Variants in ZDBF2 observed in about 807,000 individuals in gnomAD.
ZDBF2 encodes zinc finger DBF-type containing 2, also known as DBF4-type zinc finger-containing protein 2.
In ZDBF2, 6 loss-of-function variants were observed where a neutral mutation model predicts 9.4. That is an observed-to-expected ratio of 0.64 (90% CI 0.35 to 1.27). The LOEUF (loss-of-function observed/expected upper bound fraction) is 1.27. Ranked by LOEUF, ZDBF2 falls within the 50% of genes most tolerant of loss-of-function variation. ZDBF2 has a pLI of 0.03. For missense variants in ZDBF2, 2,697 were observed against 2,766.8 expected (o/e 0.97, Z 0.57); for synonymous variants, 905 against 946.3 (o/e 0.96, Z 0.80).
At position 206,308,030 on chromosome 2, in the gene ZDBF2, G is replaced by T; in HGVS notation, c.3502G>T (p.Gly1168Cys). 4.3e-6 allele frequency: 7 copies of T among 1,613,882 alleles called. No individual in the cohort carries two copies. Among genetic ancestry groups the T allele is most frequent in the Non-Finnish European group, 5.9e-6 (7 of 1,179,830 alleles). ...AATGAATTTGGATTCTGGTTTCTTG[G>T]GTCAGTCAATAGTCAATCGACCTCA... ...SEMNLDSGFL[G>C]QSIVNRPQIT... The change falls in exon 5 of 5, where the codon GGT becomes TGT. Residue 1168 changes from glycine (G) to cysteine (C), a missense_variant. Coordinates refer to ENST00000374423, the MANE Select transcript of ZDBF2 (RefSeq NM_020923.3).
chr2:206,280,747 T>C (rs1405093760), intron 2 of ZDBF2, among the ~76,000 whole-genome samples: 7 of 148,450 alleles, frequency 4.7e-5, no homozygotes, highest in South Asian at 2.2e-4. Flanking sequence ...GAAGCTTTTT[T>C]CCCCTCATCT....
At chr2:206,297,650 C>G (rs941894948) in intron 4 of ZDBF2, among the ~76,000 whole-genome samples, 2 of 151,870 alleles carry the variant, frequency 1.3e-5, no homozygotes, top group African/African-American at 4.8e-5. Flanking sequence ...TAGGATTAAG[C>G]AGGGGGAAAA....
chr2:206,311,330 G>A lies in ZDBF2; in HGVS notation c.6802G>A (p.Val2268Met), dbSNP rs759260959. The A allele has an allele frequency of 6.2e-7, 1 of 1,604,766 alleles. No individual in the cohort carries two copies. Among genetic ancestry groups the A allele is most frequent in the South Asian group, 1.1e-5 (1 of 89,516 alleles). Reference protein sequence around the residue: ...RLKKAKRTAKVLLNSSVPPAG... With the variant: ...RLKKAKRTAKMLLNSSVPPAG... ...AAAGAAGGCGAAGAGAACAGCTAAAGTGCTTTTGAACTCTTCAGTTCCACC... is the reference window on the plus strand; with the variant it reads ...AAAGAAGGCGAAGAGAACAGCTAAAATGCTTTTGAACTCTTCAGTTCCACC... The change falls in exon 5 of 5, where the codon GTG (valine) becomes ATG (methionine). Residue 2268 changes from valine (V) to methionine (M), a missense_variant. By Grantham distance (21) the Val-to-Met change is conservative. Coordinates refer to ENST00000374423, the MANE Select transcript of ZDBF2 (RefSeq NM_020923.3).
rs1213765064 is a variant in ZDBF2 at position 206,308,573 on chromosome 2, G to A, written c.4045G>A (p.Glu1349Lys). 35 of 1,613,342 alleles carry A rather than the reference G, an allele frequency of 2.2e-5. No individual in the cohort carries two copies. Among genetic ancestry groups the A allele is most frequent in the Non-Finnish European group, 2.8e-5 (33 of 1,179,790 alleles). ...SVIKQPHILEEEHASLEDKSS... is the reference protein window; with the variant it reads ...SVIKQPHILEKEHASLEDKSS... Reference sequence around the variant, plus strand: ...GATAAAACAACCACACATTTTGGAAGAGGAGCATGCCAGTCTGGAAGATAA... The same window carrying A: ...GATAAAACAACCACACATTTTGGAAAAGGAGCATGCCAGTCTGGAAGATAA... The change falls in exon 5 of 5, where the codon GAG (glutamate) becomes AAG (lysine). Residue 1349 changes from glutamate (E) to lysine (K), a missense_variant. By Grantham distance (56) the Glu-to-Lys change is moderately conservative. Coordinates refer to ENST00000374423, the MANE Select transcript of ZDBF2 (RefSeq NM_020923.3).
In ZDBF2 at chr2:206,311,253, G is replaced by T; in HGVS notation, c.6725G>T (p.Ser2242Ile). ...VFLRHRYQSR[S>I]AFLGRYLKKK... ...TTACGTCATAGATATCAGTCCAGGA[G>T]CGCTTTTCTTGGAAGGTATCTGAAG... Residue 2242 changes from serine to isoleucine, a missense_variant, in exon 5 of 5, where the codon AGC becomes ATC. Ser to Ile is a moderately radical substitution (Grantham distance 142). This residue lies in a region of ZDBF2 where 1,783 missense variants were observed against 1,776.5 expected (regional missense o/e 1.00). Coordinates refer to ENST00000374423, the MANE Select transcript of ZDBF2 (RefSeq NM_020923.3). The T allele has an allele frequency of 1.9e-6, 3 of 1,611,616 alleles. No homozygotes were observed. The South Asian group carries it at 3.3e-5, about 18-fold the overall frequency.
At chr2:206,296,265 T>C (rs181209730) in intron 3 of ZDBF2, among the ~76,000 whole-genome samples, 4 of 152,326 alleles carry the variant, frequency 2.6e-5, no homozygotes, top group Non-Finnish European at 4.4e-5. Context: ...TCTGAGTAGC[T>C]TGATGAAATC....
At chr2:206,279,906 A>G (rs1374809225) in intron 2 of ZDBF2, among the ~76,000 whole-genome samples, 1 of 152,090 alleles carries the variant, frequency 6.6e-6, no homozygotes, top group East Asian at 1.9e-4. Context: ...CTGGGTTCAA[A>G]CGATTCTATT....
At chr2:206,284,311 T>C (rs1484130510) in intron 3 of ZDBF2, among the ~76,000 whole-genome samples, 1 of 152,230 alleles carries the variant, frequency 6.6e-6, no homozygotes, top group Non-Finnish European at 1.5e-5. Flanking sequence ...TGTTTACTTT[T>C]ATTATTTTTA....
intron 3 of ZDBF2, among the ~76,000 whole-genome samples, chr2:206,292,935 C>A (rs1204353468): frequency 2.0e-5 from 3 of 151,828 alleles, no homozygotes; most frequent in Non-Finnish European, 4.4e-5. Context: ...CAATCAAAAT[C>A]TCAGAGAAGT....
In ZDBF2 at chr2:206,307,169, C is replaced by A. The variant is rs953389042; in HGVS notation, c.2641C>A (p.His881Asn). The change falls in exon 5 of 5, where the codon CAT becomes AAT. Residue 881 changes from histidine (H) to asparagine (N), a missense_variant. His to Asn is a moderately conservative substitution (Grantham distance 68, BLOSUM62 1). Around this residue, in one of 3 missense-constraint regions of ZDBF2, gnomAD observed 1,783 missense variants for 1,776.5 expected, o/e 1.00. Transcript: ENST00000374423. ...AAGTTCGGATTCCCATGCCCCTCTT[C>A]ATTCAGTGACTAATTCTCCCGAAGT... ...EISSDSHAPLHSVTNSPEVAV... is the reference protein window; with the variant it reads ...EISSDSHAPLNSVTNSPEVAV... 6.2e-7 allele frequency: 1 copy of A among 1,613,466 alleles called. No individual in the cohort carries two copies. Among genetic ancestry groups the A allele is most frequent in the African/African-American group, 1.3e-5 (1 of 75,008 alleles).
chr2:206,306,169 G>C lies in ZDBF2; in HGVS notation c.1641G>C (p.Gln547His), dbSNP rs754830129. 16 of 1,613,758 alleles carry C rather than the reference G, an allele frequency of 9.9e-6. No homozygotes were observed. The South Asian group carries it at 1.6e-4, about 17-fold the overall frequency. ...EVSADSVFPLQSVVDRPPVAV... is the reference protein window; with the variant it reads ...EVSADSVFPLHSVVDRPPVAV... ...GTGCTGATTCTGTTTTCCCACTGCA[G>C]TCAGTGGTTGACAGACCCCCAGTGG... is the stretch of plus-strand genomic sequence containing the variant. The change falls in exon 5 of 5, where the codon CAG (glutamine) becomes CAC (histidine). Residue 547 changes from glutamine to histidine, a missense_variant. By Grantham distance (24) the Gln-to-His change is conservative. Around this residue, in one of 3 missense-constraint regions of ZDBF2, gnomAD observed 910 missense variants for 973.6 expected, o/e 0.93. Transcript: ENST00000374423.
intron 1 of ZDBF2, among the ~76,000 whole-genome samples, chr2:206,278,715 C>A (rs896386472): frequency 1.3e-5 from 2 of 152,180 alleles, no homozygotes; most frequent in African/African-American, 4.8e-5. Flanking sequence ...AAATCCTACC[C>A]ATTTTCCAGT....
chr2:206,307,827 AG>A lies in ZDBF2; in HGVS notation c.3301del (p.Val1101LeufsTer4). 6.2e-7 allele frequency: 1 copy of A among 1,611,080 alleles called. No individual in the cohort carries two copies. ...AAAAAAATAGACCAATGGAAGGAAG[AG>A]GTTATTGGCCTGAAAAATAAGATTA... ...AVKKIDQWKE[E>X]VIGLKNKINE... On this transcript the variant is annotated frameshift_variant, in exon 5 of 5. Transcript: ENST00000374423. LOFTEE classifies it low-confidence loss of function (END_TRUNC).
intron 4 of ZDBF2, among the ~76,000 whole-genome samples, chr2:206,298,001 G>C (rs1270362849): frequency 1.3e-5 from 2 of 152,132 alleles, no homozygotes; most frequent in African/African-American, 4.8e-5. Context: ...TAAAAGGTTA[G>C]CAACAGAAAA....
chr2:206,297,188 A>T, intron 3 of ZDBF2, 58 bp from the exon 4 acceptor site: 1 of 670,772 alleles, frequency 1.5e-6, no homozygotes, highest in Non-Finnish European at 2.6e-6. Context: ...CATTTTGTCG[A>T]ACTCTCACTA....
At position 206,304,768 on chromosome 2, in the gene ZDBF2, G is replaced by A. The variant is rs1468122793; in HGVS notation, c.240G>A (p.Val80=). 2 of 1,613,614 alleles carry A rather than the reference G, an allele frequency of 1.2e-6. No homozygotes were observed. Among genetic ancestry groups the A allele is most frequent in the East Asian group, 2.2e-5 (1 of 44,880 alleles). The change falls in exon 5 of 5, where the codon GTG becomes GTA. Residue 80 remains valine, a synonymous_variant. Coordinates refer to ENST00000374423, the MANE Select transcript of ZDBF2 (RefSeq NM_020923.3). ...HVNTGSSSEV[V]HLDDAFSEEE... ...ATACTGGGTCATCGTCTGAAGTGGTGCATTTGGATGATGCTTTTTCTGAAG... is the reference window on the plus strand; with the variant it reads ...ATACTGGGTCATCGTCTGAAGTGGTACATTTGGATGATGCTTTTTCTGAAG...
intron 3 of ZDBF2, among the ~76,000 whole-genome samples, chr2:206,291,606 A>G (rs1056474976): frequency 6.6e-6 from 1 of 152,196 alleles, no homozygotes; most frequent in Non-Finnish European, 1.5e-5. Context: ...GTCTCCAAAT[A>G]TTAGGGGTTA....
At chr2:206,280,925 C>T (rs115861424) in intron 2 of ZDBF2, among the ~76,000 whole-genome samples, 1,988 of 152,188 alleles carry the variant, frequency 0.013, 52 homozygotes, top group African/African-American at 0.044. Flanking sequence ...ATTCTGTTTT[C>T]GGCTTAACAA....
At chr2:206,283,871 C>T (rs1392786850) in intron 3 of ZDBF2, among the ~76,000 whole-genome samples, 3 of 152,144 alleles carry the variant, frequency 2.0e-5, no homozygotes, top group African/African-American at 2.4e-5. Context: ...CTATATTTCC[C>T]AGGCTGGTCT....
Sources: allele counts gnomAD v4.1 joint callset (sites outside exome capture counted in the v4.1 genomes callset), GRCh38; gene constraint gnomAD v4.1.1; regional missense constraint gnomAD v4.1.1; transcripts MANE v1.5; gene names NCBI Gene and HGNC (gene_info 2026-07-23, HGNC 2026-07-21).